The following GRID2 variants were observed in gnomAD, a reference collection of about 807,000 sequenced individuals.
The protein encoded by GRID2 is glutamate ionotropic receptor delta type subunit 2, also known as glutamate receptor ionotropic, delta-2.
Under a neutral mutation model 114.8 loss-of-function variants are expected in GRID2, and 33 were observed. The observed-to-expected ratio is 0.29, with a 90% CI of 0.22 to 0.38. The LOEUF (loss-of-function observed/expected upper bound fraction) is 0.38. Among genes scored for constraint, GRID2 ranks in the 10% least tolerant of loss-of-function variants. The pLI, the probability that GRID2 is intolerant of heterozygous loss-of-function variation, is 1.00. For missense variants in GRID2, 1,184 were observed against 1,257.7 expected (o/e 0.94, Z 0.89); for synonymous variants, 505 against 449.9 (o/e 1.12, Z -1.55).
At chr4:93,537,087 C>T (rs1046202861) in intron 13 of GRID2, among the ~76,000 whole-genome samples, 2 of 151,524 alleles carry the variant, frequency 1.3e-5, no homozygotes, top group African/African-American at 4.8e-5. Context: ...GGTTGTATCT[C>T]TGGCCATGAG....
chr4:93,387,208 T>C (rs1240247997), intron 8 of GRID2, among the ~76,000 whole-genome samples: 2 of 152,208 alleles, frequency 1.3e-5, no homozygotes, highest in African/African-American at 4.8e-5. Flanking sequence ...AGATATAATA[T>C]AGATGAAAAG....
intron 13 of GRID2, among the ~76,000 whole-genome samples, chr4:93,580,949 A>G (rs911386914): frequency 2.0e-5 from 3 of 151,578 alleles, no homozygotes; most frequent in Non-Finnish European, 4.4e-5. Context: ...GTCATTTTAT[A>G]TATATTATAT....
intron 13 of GRID2, among the ~76,000 whole-genome samples, chr4:93,532,075 T>A (rs1158801792): frequency 1.3e-5 from 2 of 152,168 alleles, no homozygotes; most frequent in Non-Finnish European, 2.9e-5. Context: ...GCCTAGTCAT[T>A]GTTCTGAGAA....
intron 4 of GRID2, among the ~76,000 whole-genome samples, chr4:93,180,938 C>G (rs1739831614): frequency 6.6e-6 from 1 of 152,132 alleles, no homozygotes; most frequent in Non-Finnish European, 1.5e-5. Context: ...CTTCTAAACT[C>G]CTGCTCATGT....
chr4:93,773,983 A>G lies in GRID2; in HGVS notation c.*1485A>G, dbSNP rs1234868199. ...ATCCTTAAATTAAAATGTGGTAAGT[A>G]GGAAGCAAGAACTTATTCTGTGTTT... is the stretch of plus-strand genomic sequence containing the variant. On this transcript the variant is annotated 3_prime_UTR_variant, in exon 16 of 16. Transcript: ENST00000282020. 2.0e-5 allele frequency: 3 copies of G among 152,128 alleles called. No individual in the cohort carries two copies. The East Asian group carries it at 5.8e-4, about 29-fold the overall frequency. 9.4% of individuals were successfully genotyped at this position (152,128 alleles called of 1,614,324 possible).
intron 9 of GRID2, among the ~76,000 whole-genome samples, chr4:93,407,899 T>C (rs114119991): frequency 1.3e-5 from 2 of 151,946 alleles, no homozygotes; most frequent in East Asian, 1.9e-4. Flanking sequence ...TTTTAACCAT[T>C]GCTAGTGGTA....
intron 1 of GRID2, among the ~76,000 whole-genome samples, chr4:92,506,229 G>C (rs1723965384): frequency 6.6e-6 from 1 of 151,934 alleles, no homozygotes; most frequent in South Asian, 2.1e-4. Context: ...CAACCAGCTT[G>C]ATGCCAGAAT....
Position 92,753,401 on chromosome 4 carries a change from A to G in GRID2, c.244+163115A>G, listed in dbSNP as rs559708957. On this transcript the variant is annotated intron_variant, in intron 2 of 15. Coordinates refer to ENST00000282020, the MANE Select transcript of GRID2 (RefSeq NM_001510.4). ...TATTCAAAGGGGATGAGTGTAATAG[A>G]AAATAGCTGGCTAGGCAAAAACCAG... Among the ~76,000 whole-genome samples the G allele has an allele frequency of 6.2e-4, 95 of 152,272 alleles. 1 individual carries two copies. The highest frequency in any genetic ancestry group is 2.0e-3 in the African/African-American group (84 of 41,552).
At chr4:93,240,096 G>A (rs907457660) in intron 8 of GRID2, among the ~76,000 whole-genome samples, 2 of 151,566 alleles carry the variant, frequency 1.3e-5, no homozygotes, top group Middle Eastern at 3.4e-3. Flanking sequence ...AAAAATTCTT[G>A]GATATACATC....
At chr4:93,569,724 G>T (rs771828769) in intron 13 of GRID2, among the ~76,000 whole-genome samples, 1 of 151,950 alleles carries the variant, frequency 6.6e-6, no homozygotes, top group Non-Finnish European at 1.5e-5. Flanking sequence ...TCCTTCAGCC[G>T]CACTGGTCTT....
intron 2 of GRID2, among the ~76,000 whole-genome samples, chr4:92,943,746 G>C (rs1248537287): frequency 1.3e-5 from 2 of 152,184 alleles, no homozygotes; most frequent in East Asian, 1.9e-4. Flanking sequence ...GTGACGTACA[G>C]ATGGGGTTTT....
At chr4:93,523,503 T>C (rs991122441) in intron 13 of GRID2, among the ~76,000 whole-genome samples, 3 of 152,050 alleles carry the variant, frequency 2.0e-5, no homozygotes, top group Non-Finnish European at 4.4e-5. Context: ...GGAAAACTGG[T>C]CAAAATCAAG....
chr4:92,464,285 A>G (rs561189150), intron 1 of GRID2, among the ~76,000 whole-genome samples: 4 of 152,196 alleles, frequency 2.6e-5, no homozygotes, highest in East Asian at 3.9e-4. Context: ...TCAACCCCAC[A>G]GTATTCTAAC....
intron 2 of GRID2, among the ~76,000 whole-genome samples, chr4:93,069,144 C>G (rs894990914): frequency 6.6e-6 from 1 of 151,888 alleles, no homozygotes; most frequent in African/African-American, 2.4e-5. Context: ...AATCACCTCT[C>G]ACAAGACACC....
intron 2 of GRID2, among the ~76,000 whole-genome samples, chr4:93,017,806 G>GAAAAA (rs796967580): frequency 2.7e-4 from 13 of 47,658 alleles, no homozygotes; most frequent in East Asian, 5.9e-4. Flanking sequence ...TCCTTTTCAA[G>GAAAAA]AAAAAAAAAA....
chr4:93,027,304 C>A (rs1439880269), intron 2 of GRID2, among the ~76,000 whole-genome samples: 1 of 152,042 alleles, frequency 6.6e-6, no homozygotes, highest in Non-Finnish European at 1.5e-5. Context: ...GTTGGACATA[C>A]TATTTTTCAC....
intron 13 of GRID2, among the ~76,000 whole-genome samples, chr4:93,593,883 C>T (rs368695555): frequency 2.6e-5 from 4 of 152,038 alleles, no homozygotes; most frequent in African/African-American, 7.2e-5. Context: ...ACGTAGTTCT[C>T]GAGCCTTGGT....
intron 12 of GRID2, among the ~76,000 whole-genome samples, chr4:93,511,289 T>G (rs1051673530): frequency 6.6e-6 from 1 of 152,134 alleles, no homozygotes; most frequent in Non-Finnish European, 1.5e-5. Flanking sequence ...TGAAAGAATT[T>G]TACAGAAACC....
At chr4:93,187,231 C>T (rs1187647565) in intron 4 of GRID2, among the ~76,000 whole-genome samples, 1 of 152,156 alleles carries the variant, frequency 6.6e-6, no homozygotes, top group Non-Finnish European at 1.5e-5. Flanking sequence ...ATGTCCTTCT[C>T]ACATGTAAAA....
Sources: allele counts gnomAD v4.1 joint callset (sites outside exome capture counted in the v4.1 genomes callset), GRCh38; gene constraint gnomAD v4.1.1; transcripts MANE v1.5; gene names NCBI Gene and HGNC (gene_info 2026-07-23, HGNC 2026-07-21).